The following HIVEP3 variants were observed in gnomAD, a reference collection of about 807,000 sequenced individuals.
The protein encoded by HIVEP3 is transcription factor HIVEP3.
HIVEP3 carries 49 observed loss-of-function variants against 152.8 expected under a neutral mutation model. The observed-to-expected ratio is 0.32, with a 90% CI of 0.26 to 0.41. HIVEP3 has a LOEUF of 0.41. Among genes scored for constraint, HIVEP3 ranks in the 10% least tolerant of loss-of-function variants. HIVEP3 has a pLI of 1.00. For synonymous variants in HIVEP3, 1,269 were observed against 1,289.0 expected (o/e 0.98, Z 0.33); for missense variants, 2,790 against 3,103.3 (o/e 0.90, Z 2.40).
At chr1:41,535,135 C>T (rs763749365) in intron 5 of HIVEP3, among the ~76,000 whole-genome samples, 8 of 152,166 alleles carry the variant, frequency 5.3e-5, no homozygotes, top group South Asian at 2.1e-4. Flanking sequence ...AATTTTACCA[C>T]GCAGCACCCT....
chr1:41,632,157 C>G (rs1645204467), intron 2 of HIVEP3, among the ~76,000 whole-genome samples: 1 of 152,194 alleles, frequency 6.6e-6, no homozygotes, highest in Non-Finnish European at 1.5e-5. Flanking sequence ...ACAACTCAGG[C>G]AGGGTCATTC....
Position 41,581,628 on chromosome 1 carries a change from G to C in HIVEP3, c.3170C>G (p.Ser1057Cys). Residue 1057 changes from serine to cysteine, a missense_variant, in exon 4 of 9, where the codon TCT (serine) becomes TGT (cysteine). By Grantham distance (112) the Ser-to-Cys change is moderately radical. This residue lies in a region of HIVEP3 where 1,078 missense variants were observed against 1,165.3 expected (regional missense o/e 0.93). Coordinates refer to ENST00000372583, the MANE Select transcript of HIVEP3 (RefSeq NM_024503.5). This position sits in a 1 kb window ranked among gnomAD's most constrained non-coding sequence, Gnocchi z 4.5. ...TCCCTTGGGGGCAACCTCCAACTCAGATTCTGGAGGCCTGCTCAGAGAGGC... is the reference window on the plus strand; with the variant it reads ...TCCCTTGGGGGCAACCTCCAACTCACATTCTGGAGGCCTGCTCAGAGAGGC... ...RQASLSRPPE[S>C]ELEVAPKGRQ... is the part of the protein sequence containing the mutation. 1.2e-6 allele frequency: 2 copies of C among 1,614,206 alleles called. No individual in the cohort carries two copies. The highest frequency in any genetic ancestry group is 1.7e-6 in the Non-Finnish European group (2 of 1,180,028).
intron 1 of HIVEP3, among the ~76,000 whole-genome samples, chr1:41,824,889 G>A (rs1337668772): frequency 6.6e-6 from 1 of 151,148 alleles, no homozygotes; most frequent in Non-Finnish European, 1.5e-5. Flanking sequence ...AAGAGAGACA[G>A]AGAGATGGAG....
chr1:41,692,248 C>T (rs1391446823), intron 2 of HIVEP3, among the ~76,000 whole-genome samples: 6 of 152,184 alleles, frequency 3.9e-5, no homozygotes, highest in South Asian at 4.1e-4. Context: ...CAAGTGTCCA[C>T]GAAAAGGACA....
intron 1 of HIVEP3, among the ~76,000 whole-genome samples, chr1:41,745,166 C>T (rs1647053252): frequency 6.6e-6 from 1 of 152,202 alleles, no homozygotes; most frequent in Non-Finnish European, 1.5e-5. Context: ...CCTCTCAAAA[C>T]CCATACTCAA....
At chr1:42,024,470 A>G (rs1645571240) in intron 1 of HIVEP3, among the ~76,000 whole-genome samples, 1 of 152,172 alleles carries the variant, frequency 6.6e-6, no homozygotes, top group Non-Finnish European at 1.5e-5. Flanking sequence ...GGCAGCATAC[A>G]TTGTTAATTT....
chr1:41,551,761 T>C (rs1163840679), intron 5 of HIVEP3, among the ~76,000 whole-genome samples: 2 of 152,242 alleles, frequency 1.3e-5, no homozygotes, highest in Admixed American at 6.5e-5. Flanking sequence ...TATTTGATTC[T>C]TCTCTTTTTT....
chr1:41,910,237 C>T (rs1644774951), intron 1 of HIVEP3, among the ~76,000 whole-genome samples: 1 of 151,766 alleles, frequency 6.6e-6, no homozygotes, highest in South Asian at 2.1e-4. Context: ...GTGGACATAA[C>T]CACAGATCCC....
At chr1:41,665,937 C>G (rs1558161913) in intron 2 of HIVEP3, among the ~76,000 whole-genome samples, 2 of 152,130 alleles carry the variant, frequency 1.3e-5, no homozygotes, top group African/African-American at 2.4e-5. Flanking sequence ...GGGACCAGCA[C>G]AGTGTGTTGG....
At chr1:41,857,571 TG>T (rs1377141602) in intron 1 of HIVEP3, among the ~76,000 whole-genome samples, 6 of 152,060 alleles carry the variant, frequency 3.9e-5, no homozygotes, top group African/African-American at 1.5e-4. Context: ...CTAAATAACA[TG>T]GGGTTTTCTC....
chr1:42,035,757 C>T (rs963772900), intron 1 of HIVEP3: 1 of 151,660 alleles, frequency 6.6e-6, no homozygotes, highest in African/African-American at 2.4e-5. Context: ...CGCGTCAGAC[C>T]GAGCCCGAGG....
intron 1 of HIVEP3, among the ~76,000 whole-genome samples, chr1:41,850,723 C>T (rs879390902): frequency 6.6e-6 from 1 of 152,172 alleles, no homozygotes; most frequent in Non-Finnish European, 1.5e-5. Context: ...ACTGTGAGTC[C>T]ACTGCCTAGA....
chr1:41,709,952 A>AGGG (rs1646489151), intron 1 of HIVEP3, among the ~76,000 whole-genome samples: 1 of 152,130 alleles, frequency 6.6e-6, no homozygotes, highest in South Asian at 2.1e-4. Context: ...GGAGTGGGGC[A>AGGG]GGGGGAGGTA....
intron 1 of HIVEP3, among the ~76,000 whole-genome samples, chr1:41,929,723 T>TG (rs1491455442): frequency 3.1e-5 from 2 of 64,826 alleles, no homozygotes; most frequent in Admixed American, 1.3e-4. Flanking sequence ...TGTATATGTG[T>TG]TTTTATATAT....
chr1:42,014,585 G>T (rs890625487), intron 1 of HIVEP3, among the ~76,000 whole-genome samples: 5 of 152,280 alleles, frequency 3.3e-5, no homozygotes, highest in African/African-American at 9.6e-5. Context: ...CTCCTCTATT[G>T]TAGGTCCAGT....
chr1:41,961,779 G>A (rs894040088), intron 1 of HIVEP3, among the ~76,000 whole-genome samples: 1 of 152,250 alleles, frequency 6.6e-6, no homozygotes, highest in Non-Finnish European at 1.5e-5. Context: ...TTCTTAACTT[G>A]TAATTAGGTG....
At chr1:41,839,704 C>T (rs1184379038) in intron 1 of HIVEP3, among the ~76,000 whole-genome samples, 1 of 152,198 alleles carries the variant, frequency 6.6e-6, no homozygotes, top group Non-Finnish European at 1.5e-5. Context: ...GCCTGGGGTC[C>T]AGAGGACCCC....
In HIVEP3 at chr1:41,509,622, C is replaced by G. The variant is rs1644420029; in HGVS notation, c.*829G>C. 1 of 151,450 alleles carries G rather than the reference C, an allele frequency of 6.6e-6. No homozygotes were observed. The highest frequency in any genetic ancestry group is 1.5e-5 in the Non-Finnish European group (1 of 67,924). The allele number at this position is 151,450 out of a possible 1,614,324, so 9.4% of individuals were successfully genotyped here. ...GGGCTCCTTCCCCAGCCCAGGGGGC[C>G]AGGGTGGGGTGCAGAAGGGAGGTGT... On this transcript the variant is annotated 3_prime_UTR_variant, in exon 9 of 9. Transcript: ENST00000372583.
Position 41,581,474 on chromosome 1 carries a change from C to T in HIVEP3, c.3324G>A (p.Arg1108=). 1.3e-6 allele frequency: 2 copies of T among 1,568,410 alleles called. No individual in the cohort carries two copies. Among genetic ancestry groups the T allele is most frequent in the South Asian group, 1.2e-5 (1 of 81,968 alleles). The change falls in exon 4 of 9, where the codon AGG becomes AGA. Residue 1108 remains arginine (R), a synonymous_variant. Transcript: ENST00000372583. The surrounding 1 kb of genome is among the most constrained non-coding windows in gnomAD (Gnocchi z 4.5). ...AGGGCACAGTGGGCCCCAATGGGGG[C>T]CTGTCCTGCCCTGGGCCCTTGCCTC... The part of the protein sequence containing the change: ...PPGGKGPGQD[R]PPLGPTVPYT...
Sources: gnomAD v4.1 joint callset for allele counts (sites outside exome capture counted in the v4.1 genomes callset) on GRCh38, gnomAD v4.1.1 for gene constraint, gnomAD v4.1.1 regional missense constraint, Gnocchi (gnomAD v3.1) non-coding constraint, MANE v1.5 for transcripts, NCBI Gene and HGNC (gene_info 2026-07-23, HGNC 2026-07-21) for gene names.